NUP214: variants seen among roughly 807,000 people sequenced by gnomAD.
The protein encoded by NUP214 is nuclear pore complex protein Nup214.
In NUP214, 79 loss-of-function variants were observed where a neutral mutation model predicts 196.2. The observed-to-expected ratio is 0.40, with a 90% CI of 0.34 to 0.49. The LOEUF (loss-of-function observed/expected upper bound fraction) is 0.49. Among genes scored for constraint, NUP214 ranks in the 20% least tolerant of loss-of-function variants. The probability of loss-of-function intolerance (pLI) is 0.58; values close to 1 mark genes in which losing one functional copy is unlikely to be tolerated. For synonymous variants in NUP214, 1,020 were observed against 990.5 expected (o/e 1.03, Z -0.56); for missense variants, 2,468 against 2,539.0 (o/e 0.97, Z 0.60).
At chr9:131,230,968 C>T (rs559684470) in intron 34 of NUP214, among the ~76,000 whole-genome samples, 199 bp downstream of exon 34, 1 of 152,052 alleles carries the variant, frequency 6.6e-6, no homozygotes, top group Non-Finnish European at 1.5e-5. Context: ...TGAGACTAGC[C>T]TGGGCAACAT....
intron 33 of NUP214, 163 bp from the exon 34 acceptor site, chr9:131,230,467 G>A: frequency 1.3e-6 from 1 of 749,582 alleles, no homozygotes; most frequent in Non-Finnish European, 2.2e-6. Context: ...TTGGCCCTGG[G>A]CGATAGCTCA....
Position 131,198,913 on chromosome 9 carries a change from G to C in NUP214, c.5419G>C (p.Gly1807Arg), listed in dbSNP as rs774854545. 1 of 1,614,172 alleles carries C rather than the reference G, an allele frequency of 6.2e-7. No individual in the cohort carries two copies. The highest frequency in any genetic ancestry group is 1.1e-5 in the South Asian group (1 of 91,080). ...TGGCCAAAGCAACGCTCCTGCTTTT[G>C]GGCAGAGTCCTGGCTTTGGACAGGG... The part of the protein sequence containing the change: ...LFGQSNAPAF[G>R]QSPGFGQGGS... Residue 1807 changes from glycine (G) to arginine (R), a missense_variant, in exon 29 of 36, where the codon GGG becomes CGG. Physicochemically the swap from Gly to Arg is moderately radical, Grantham distance 125. Coordinates refer to ENST00000359428, the MANE Select transcript of NUP214 (RefSeq NM_005085.4).
At chr9:131,227,047 G>A (rs1834743502) in intron 32 of NUP214, among the ~76,000 whole-genome samples, 1 of 152,242 alleles carries the variant, frequency 6.6e-6, no homozygotes, top group Admixed American at 6.5e-5. Flanking sequence ...TCCCTTTAGA[G>A]GGTGCTCCCA....
intron 4 of NUP214, among the ~76,000 whole-genome samples, chr9:131,130,343 C>T (rs763630443): frequency 4.0e-5 from 6 of 151,660 alleles, no homozygotes; most frequent in Admixed American, 6.6e-5. Context: ...CGGGGTTTCA[C>T]CATGTTGGCC....
intron 26 of NUP214, chr9:131,190,759 T>A: frequency 3.4e-6 from 1 of 290,786 alleles, no homozygotes; most frequent in Non-Finnish European, 6.3e-6. Flanking sequence ...CATGTATATC[T>A]CTTGAGGTTA....
At chr9:131,175,756 C>T (rs1293002423) in intron 23 of NUP214, 135 bp downstream of exon 23, 7 of 1,292,832 alleles carry the variant, frequency 5.4e-6, no homozygotes, top group Non-Finnish European at 7.1e-6. Context: ...TGACAGCCCT[C>T]TCCCCTTTGT....
intron 17 of NUP214, among the ~76,000 whole-genome samples, chr9:131,152,826 G>A (rs1050904983): frequency 6.6e-6 from 1 of 151,690 alleles, no homozygotes; most frequent in Admixed American, 6.6e-5. Context: ...CTGTCGCCTG[G>A]GCTGAAGTGG....
In NUP214 at chr9:131,147,584, G is replaced by C. The variant is rs778133782; in HGVS notation, c.2040G>C (p.Gln680His). The change falls in exon 14 of 36, where the codon CAG (glutamine) becomes CAC (histidine). Residue 680 changes from glutamine (Q) to histidine (H), a missense_variant and splice_region_variant. This residue lies in a region of NUP214 where 1,801 missense variants were observed against 1,779.4 expected (regional missense o/e 1.01). Transcript: ENST00000359428. ...CAGCGGCAAAGCCAGGCTCTCCCCA[G>C]GTATGTTTAAATTCAGCTTGCAATG... is the stretch of plus-strand genomic sequence containing the variant. ...TPPAAKPGSP[Q>H]AKSLQPAVAE... 7 of 1,608,260 alleles carry C rather than the reference G, an allele frequency of 4.4e-6. No individual in the cohort carries two copies. The South Asian group carries it at 4.4e-5, about 10-fold the overall frequency.
intron 29 of NUP214, among the ~76,000 whole-genome samples, chr9:131,200,260 C>T (rs768904664): frequency 3.3e-5 from 5 of 152,216 alleles, no homozygotes. Context: ...TGTCTAAGCT[C>T]ACCTACCCAA....
At chr9:131,180,343 G>A (rs76487858) in intron 24 of NUP214, among the ~76,000 whole-genome samples, 1 of 152,116 alleles carries the variant, frequency 6.6e-6, no homozygotes, top group Admixed American at 6.6e-5. Flanking sequence ...GTGAAAATTG[G>A]TGTTTACTGC....
chr9:131,226,515 T>A (rs530512011), intron 32 of NUP214, among the ~76,000 whole-genome samples: 1 of 152,230 alleles, frequency 6.6e-6, no homozygotes, highest in South Asian at 2.1e-4. Context: ...CCAAGAAGTC[T>A]AAGCAATATT....
intron 11 of NUP214, among the ~76,000 whole-genome samples, chr9:131,141,065 T>C (rs921519367): frequency 2.0e-5 from 3 of 151,540 alleles, no homozygotes; most frequent in Non-Finnish European, 4.4e-5. Context: ...TGTATAGTCT[T>C]ACAGTGAAAT....
intron 21 of NUP214, among the ~76,000 whole-genome samples, chr9:131,172,464 A>G (rs1161549654): frequency 1.3e-5 from 2 of 152,210 alleles, no homozygotes; most frequent in Non-Finnish European, 2.9e-5. Flanking sequence ...GCCCTTTGTC[A>G]GATGAGTAGG....
chr9:131,224,204 T>C (rs898914814), intron 32 of NUP214, among the ~76,000 whole-genome samples: 2 of 152,238 alleles, frequency 1.3e-5, no homozygotes, highest in African/African-American at 4.8e-5. Flanking sequence ...TTATATAAAC[T>C]ATATGCCTTT....
chr9:131,197,390 C>T lies in NUP214; in HGVS notation c.3896C>T (p.Ser1299Phe), dbSNP rs1833817326. The T allele has an allele frequency of 6.2e-7, 1 of 1,614,198 alleles. No homozygotes were observed. Among genetic ancestry groups the T allele is most frequent in the African/African-American group, 1.3e-5 (1 of 75,046 alleles). Residue 1299 changes from serine (S) to phenylalanine (F), a missense_variant, in exon 29 of 36, where the codon TCT becomes TTT. By Grantham distance (155) the Ser-to-Phe change is radical (BLOSUM62 -2). Around this residue, in one of 5 missense-constraint regions of NUP214, gnomAD observed 1,801 missense variants for 1,779.4 expected, o/e 1.01. Transcript: ENST00000359428. ...AASSSRPVAP[S>F]GTALSTTSSK... is the part of the protein sequence containing the mutation. ...TCTAGCAGCAGACCTGTGGCACCTT[C>T]TGGAACTGCTCTTTCCACCACCTCT...
rs760372386 is a variant in NUP214, at chr9:131,198,629, C to G, written c.5135C>G (p.Ala1712Gly). ...QVSSSGFSSP[A>G]FGTTAPGVFG... ...AGCAGCTCAGGGTTTAGCAGCCCAG[C>G]TTTTGGTACCACAGCCCCAGGGGTC... Residue 1712 changes from alanine (A) to glycine (G), a missense_variant, in exon 29 of 36, where the codon GCT becomes GGT. Transcript: ENST00000359428. The G allele has an allele frequency of 3.7e-6, 6 of 1,614,268 alleles. No homozygotes were observed. Among genetic ancestry groups the G allele is most frequent in the Non-Finnish European group, 5.1e-6 (6 of 1,180,044 alleles).
rs371275527 is a variant in NUP214, at chr9:131,128,983, A to T, written c.394-296A>T. On this transcript the variant is annotated intron_variant, in intron 3 of 35. Transcript: ENST00000359428. ...GTCCAAGGTCCCAACATTATTAAGA[A>T]GCAGAGCCAAGATTTTAATCTATTG... Among the ~76,000 whole-genome samples the T allele has an allele frequency of 8.2e-4, 125 of 152,374 alleles. 1 individual carries two copies. The South Asian group carries it at 0.015, about 18-fold the overall frequency.
At chr9:131,214,300 C>G (rs1834332873) in intron 30 of NUP214, among the ~76,000 whole-genome samples, 1 of 152,172 alleles carries the variant, frequency 6.6e-6, no homozygotes, top group Non-Finnish European at 1.5e-5. Context: ...ATTTTTTGAG[C>G]ATATAAGTCT....
At chr9:131,148,953 T>C (rs2133507826) in intron 14 of NUP214, among the ~76,000 whole-genome samples, 1 of 152,382 alleles carries the variant, frequency 6.6e-6, no homozygotes, top group South Asian at 2.1e-4. Context: ...AATAATTTTC[T>C]ATTTCAAGGT....
Sources: gnomAD v4.1 joint callset for allele counts (sites outside exome capture counted in the v4.1 genomes callset) on GRCh38, gnomAD v4.1.1 for gene constraint, gnomAD v4.1.1 regional missense constraint, MANE v1.5 for transcripts, NCBI Gene and HGNC (gene_info 2026-07-23, HGNC 2026-07-21) for gene names.